ANO2: variants seen among roughly 807,000 people sequenced by gnomAD.
ANO2 encodes anoctamin-2.
In ANO2, 101 loss-of-function variants were observed where a neutral mutation model predicts 124.2. That is an observed-to-expected ratio of 0.81 (90% CI 0.69 to 0.96). ANO2 has a LOEUF of 0.96. ANO2 is among the 40% of genes least tolerant of loss of function. The pLI is 0.00. For missense variants in ANO2, 1,293 were observed against 1,274.5 expected, an observed-to-expected ratio of 1.01 and a Z score of -0.22; for synonymous variants, 486 against 482.5, an observed-to-expected ratio of 1.01 and a Z score of -0.09.
chr12:5,702,504 G>C (rs892916695), intron 14 of ANO2, among the ~76,000 whole-genome samples: 5 of 150,668 alleles, frequency 3.3e-5, no homozygotes, highest in Non-Finnish European at 7.4e-5. Context: ...ATGAGCAAAA[G>C]AGAACAACAA....
At chr12:5,579,516 A>T (rs2136844623) in intron 20 of ANO2, among the ~76,000 whole-genome samples, 1 of 152,274 alleles carries the variant, frequency 6.6e-6, no homozygotes, top group East Asian at 1.9e-4. Context: ...AGACAGCTGG[A>T]AAGAGTCCAG....
At chr12:5,854,398 C>CAAAAAAAAA (rs56030072) in intron 3 of ANO2, among the ~76,000 whole-genome samples, 3 of 76,084 alleles carry the variant, frequency 3.9e-5, no homozygotes, top group Non-Finnish European at 4.4e-5. Flanking sequence ...AGCTTCAGAG[C>CAAAAAAAAA]AAAAAAAAAA....
intron 7 of ANO2, among the ~76,000 whole-genome samples, chr12:5,826,762 C>G (rs558375913): frequency 6.6e-6 from 1 of 152,050 alleles, no homozygotes; most frequent in Non-Finnish European, 1.5e-5. Flanking sequence ...CCTGGGTACC[C>G]AGGCAGCTTA....
At chr12:5,869,829 C>T (rs1386183962) in intron 3 of ANO2, among the ~76,000 whole-genome samples, 2 of 152,254 alleles carry the variant, frequency 1.3e-5, no homozygotes, top group South Asian at 2.1e-4. Context: ...CAGCTGATAA[C>T]TTCAAAACCA....
intron 3 of ANO2, among the ~76,000 whole-genome samples, chr12:5,888,662 C>A (rs1470419071): frequency 6.6e-6 from 1 of 152,310 alleles, no homozygotes; most frequent in South Asian, 2.1e-4. Context: ...TAGCTAGATA[C>A]AGAGTGCCGA....
intron 10 of ANO2, among the ~76,000 whole-genome samples, chr12:5,768,270 C>T (rs1370216121): frequency 1.3e-5 from 2 of 152,206 alleles, no homozygotes; most frequent in African/African-American, 4.8e-5. Flanking sequence ...CTCCCCTTCT[C>T]TTCCTCTCCT....
intron 7 of ANO2, among the ~76,000 whole-genome samples, chr12:5,816,431 TCTC>T (rs1348547684): frequency 2.6e-5 from 4 of 152,176 alleles, no homozygotes; most frequent in African/African-American, 7.2e-5. Context: ...GCCTTTGGGT[TCTC>T]CTCTGCTGAG....
chr12:5,697,393 C>G (rs1349976470), intron 14 of ANO2, among the ~76,000 whole-genome samples: 1 of 152,056 alleles, frequency 6.6e-6, no homozygotes, highest in African/African-American at 2.4e-5. Flanking sequence ...GATCCCACCA[C>G]TGCACTCCAG....
intron 8 of ANO2, among the ~76,000 whole-genome samples, 160 bp from the exon 9 acceptor site, chr12:5,806,253 A>G (rs2137172542): frequency 6.6e-6 from 1 of 152,150 alleles, no homozygotes; most frequent in Non-Finnish European, 1.5e-5. Flanking sequence ...CTGATATTCC[A>G]TTTTCTGAGC....
chr12:5,752,126 G>A (rs1392930886), intron 10 of ANO2, among the ~76,000 whole-genome samples: 2 of 152,204 alleles, frequency 1.3e-5, no homozygotes, highest in African/African-American at 4.8e-5. Flanking sequence ...TCTGTCAATG[G>A]ATGCTTGGGT....
intron 19 of ANO2, among the ~76,000 whole-genome samples, chr12:5,601,522 CAGA>C (rs1943939741): frequency 6.6e-6 from 1 of 151,398 alleles, no homozygotes; most frequent in Non-Finnish European, 1.5e-5. Flanking sequence ...TGAGTCAGAA[CAGA>C]AGGAGAAGAT....
intron 17 of ANO2, among the ~76,000 whole-genome samples, chr12:5,613,504 T>C (rs912685214): frequency 2.0e-5 from 3 of 152,206 alleles, no homozygotes; most frequent in South Asian, 2.1e-4. Flanking sequence ...GTCTATTTTA[T>C]TGGGGGACAA....
At chr12:5,711,263 T>G (rs970345781) in intron 14 of ANO2, among the ~76,000 whole-genome samples, 1 of 152,130 alleles carries the variant, frequency 6.6e-6, no homozygotes, top group Non-Finnish European at 1.5e-5. Flanking sequence ...GCCATTCTCA[T>G]GGTGATCAGC....
chr12:5,603,772 C>T (rs112691459), intron 19 of ANO2, among the ~76,000 whole-genome samples: 2,677 of 151,894 alleles, frequency 0.018, 87 homozygotes, highest in African/African-American at 0.061. Context: ...GGTGAAACCC[C>T]GCCTCTACTA....
chr12:5,759,359 T>G (rs1290447497), intron 10 of ANO2, among the ~76,000 whole-genome samples: 2 of 152,068 alleles, frequency 1.3e-5, no homozygotes, highest in Non-Finnish European at 2.9e-5. Context: ...TATATAGGAT[T>G]TATAACCAAT....
At chr12:5,732,668 G>A in intron 13 of ANO2, 38 bp from the exon 14 acceptor site, 2 of 1,592,212 alleles carry the variant, frequency 1.3e-6, no homozygotes, top group East Asian at 2.2e-5. Flanking sequence ...TAAACAAAAG[G>A]AAGAATGACC....
chr12:5,639,016 C>G (rs1946190795), intron 15 of ANO2, among the ~76,000 whole-genome samples: 1 of 152,162 alleles, frequency 6.6e-6, no homozygotes, highest in Non-Finnish European at 1.5e-5. Context: ...GATGGAGTCA[C>G]AGGCCTCCGT....
chr12:5,602,717 C>T (rs530360370), intron 19 of ANO2, among the ~76,000 whole-genome samples: 9 of 152,244 alleles, frequency 5.9e-5, no homozygotes, highest in Admixed American at 5.2e-4. Context: ...CAAAACATAT[C>T]GTCATGAGAT....
At chr12:5,690,132 T>C (rs191815357) in intron 14 of ANO2, among the ~76,000 whole-genome samples, 18 of 152,180 alleles carry the variant, frequency 1.2e-4, no homozygotes, top group Admixed American at 2.0e-4. Context: ...GAGTTAATGA[T>C]GAAGTCACTC....
Sources: allele counts gnomAD v4.1 joint callset (sites outside exome capture counted in the v4.1 genomes callset), GRCh38; gene constraint gnomAD v4.1.1; transcripts MANE v1.5; gene names NCBI Gene and HGNC (gene_info 2026-07-23, HGNC 2026-07-21).